Variants in CKAP5 observed in about 807,000 individuals in gnomAD.
CKAP5 encodes the protein cytoskeleton-associated protein 5.
CKAP5 carries 27 observed loss-of-function variants against 232.8 expected under a neutral mutation model. That is an observed-to-expected ratio of 0.12 (90% CI 0.09 to 0.16). The LOEUF is 0.16. CKAP5 is among the 10% of genes least tolerant of loss of function. The pLI is 1.00. For synonymous variants in CKAP5, 785 were observed against 841.1 expected, an observed-to-expected ratio of 0.93 and a Z score of 1.16; for missense variants, 1,838 against 2,424.7, an observed-to-expected ratio of 0.76 and a Z score of 5.08.
intron 42 of CKAP5, among the ~76,000 whole-genome samples, chr11:46,747,393 G>A (rs1592428456): frequency 6.6e-6 from 1 of 152,180 alleles, no homozygotes. Flanking sequence ...ACTGAGGTCA[G>A]GAGTTGGAGA....
intron 24 of CKAP5, among the ~76,000 whole-genome samples, chr11:46,775,808 A>G (rs1464292182): frequency 6.6e-6 from 1 of 151,072 alleles, no homozygotes; most frequent in Non-Finnish European, 1.5e-5. Flanking sequence ...AACATCACAC[A>G]GTGGGGCCTG....
intron 1 of CKAP5, among the ~76,000 whole-genome samples, chr11:46,837,273 G>A (rs896658118): frequency 1.2e-4 from 18 of 152,128 alleles, no homozygotes; most frequent in Non-Finnish European, 2.5e-4. Context: ...AGGCTAGAAT[G>A]ATCTATGTGA....
chr11:46,752,221 C>CACACAT (rs2065073640), intron 38 of CKAP5, among the ~76,000 whole-genome samples: 2 of 134,902 alleles, frequency 1.5e-5, no homozygotes, highest in African/African-American at 2.6e-5. Context: ...CACACACACA[C>CACACAT]ACACACACAC....
Position 46,762,050 on chromosome 11 carries a change from C to G in CKAP5, c.4171G>C (p.Val1391Leu). The G allele has an allele frequency of 1.2e-6, 2 of 1,614,104 alleles. No homozygotes were observed. Among genetic ancestry groups the G allele is most frequent in the Non-Finnish European group, 1.7e-6 (2 of 1,179,938 alleles). The change falls in exon 32 of 44, where the codon GTA becomes CTA. Residue 1391 changes from valine to leucine, a missense_variant. Physicochemically the swap from Val to Leu is conservative, Grantham distance 32. Coordinates refer to ENST00000529230, the MANE Select transcript of CKAP5 (RefSeq NM_001008938.4). ...TCCCCATGTACATTGTACACCGTTA[C>G]AATGGTGTTGAGTGCAGCATTGCGT... ...AVRNAALNTI[V>L]TVYNVHGDQV...
At position 46,765,190 on chromosome 11, in the gene CKAP5, T is replaced by C; in HGVS notation, c.3478A>G (p.Ile1160Val). Residue 1160 changes from isoleucine to valine, a missense_variant, in exon 28 of 44, where the codon ATT becomes GTT. Physicochemically the swap from Ile to Val is conservative, Grantham distance 29 (BLOSUM62 3). Coordinates refer to ENST00000529230, the MANE Select transcript of CKAP5 (RefSeq NM_001008938.4). ...LKEDEDKSGP[I>V]FIVVPNGKEQ... is the part of the protein sequence containing the mutation. The stretch of plus-strand genomic sequence containing the variant: ...TTTCCATTTGGAACAACAATAAAAA[T>C]AGGCCCGGATTTGTCTTCATCCTCC... 3.1e-6 allele frequency: 5 copies of C among 1,613,298 alleles called. No individual in the cohort carries two copies. Among genetic ancestry groups the C allele is most frequent in the Non-Finnish European group, 3.4e-6 (4 of 1,179,620 alleles).
intron 27 of CKAP5, among the ~76,000 whole-genome samples, chr11:46,765,490 T>C (rs1336416177): frequency 5.3e-5 from 8 of 152,208 alleles, no homozygotes; most frequent in African/African-American, 1.7e-4. Context: ...TGGCATGTTA[T>C]GTAGTTGGAA....
chr11:46,839,000 T>C (rs542005141), intron 1 of CKAP5, among the ~76,000 whole-genome samples: 2 of 152,230 alleles, frequency 1.3e-5, no homozygotes, highest in South Asian at 2.1e-4. Flanking sequence ...ACCTAGTTTG[T>C]TGCAGGCATT....
At chr11:46,758,204 A>G (rs915120238) in intron 35 of CKAP5, among the ~76,000 whole-genome samples, 5 of 152,064 alleles carry the variant, frequency 3.3e-5, no homozygotes, top group African/African-American at 1.2e-4. Context: ...CTTTAACACT[A>G]TGCTCCAGGC....
intron 33 of CKAP5, among the ~76,000 whole-genome samples, chr11:46,759,986 CAA>C: frequency 6.6e-6 from 1 of 152,262 alleles, no homozygotes; most frequent in South Asian, 2.1e-4. Flanking sequence ...AATAGGGATT[CAA>C]AGTTTCCAAA....
intron 42 of CKAP5, among the ~76,000 whole-genome samples, chr11:46,747,929 A>C (rs1006289727): frequency 2.6e-5 from 4 of 151,858 alleles, no homozygotes; most frequent in Admixed American, 6.6e-5. Context: ...GCATGGTGGC[A>C]TGCACCTGTA....
intron 16 of CKAP5, among the ~76,000 whole-genome samples, chr11:46,786,796 C>T (rs2065398129): frequency 6.6e-6 from 1 of 152,120 alleles, no homozygotes; most frequent in Admixed American, 6.6e-5. Flanking sequence ...CTGAGTATCT[C>T]TGGCATGACC....
chr11:46,786,497 A>AT (rs1189850698), intron 16 of CKAP5, among the ~76,000 whole-genome samples: 19 of 152,234 alleles, frequency 1.2e-4, no homozygotes, highest in Admixed American at 1.2e-3. Context: ...GAAAAGCCCT[A>AT]TCCCCAGGGA....
chr11:46,819,531 T>C (rs1435055741), intron 2 of CKAP5, among the ~76,000 whole-genome samples: 1 of 152,160 alleles, frequency 6.6e-6, no homozygotes, highest in African/African-American at 2.4e-5. Flanking sequence ...GTGTTAAGCA[T>C]TAGTAAAGAA....
rs573523014 is a variant in CKAP5, at chr11:46,800,208, A to G, written c.1083+992T>C. ...TTAATTTTATTTCAATTTATGATGT[A>G]TATGTCTAAGGGTTTTACAGACCCT... On this transcript the variant is annotated intron_variant, in intron 9 of 43. Transcript: ENST00000529230. 3.3e-5 allele frequency among the ~76,000 whole-genome samples: 5 copies of G among 152,302 alleles called. No individual in the cohort carries two copies. In the South Asian group the frequency reaches 1.0e-3, roughly 32 times the overall value.
At position 46,789,719 on chromosome 11, in the gene CKAP5, CCAG is replaced by C. The variant is rs560821692; in HGVS notation, c.1875+354_1875+356del. ...GCTGAGGCAGGAGAATGGCGTGAACCCAGCAGGTGGAGCTTGCAGTGAGCCAAG... is the reference window on the plus strand; with the variant it reads ...GCTGAGGCAGGAGAATGGCGTGAACCCAGGTGGAGCTTGCAGTGAGCCAAG... On this transcript the variant is annotated intron_variant, in intron 15 of 43. Transcript: ENST00000529230. Among the ~76,000 whole-genome samples, 285 of 152,166 alleles carry C rather than the reference CCAG, an allele frequency of 1.9e-3. 1 individual carries two copies. The highest frequency in any genetic ancestry group is 6.7e-3 in the African/African-American group (279 of 41,508).
At chr11:46,759,067 A>G in intron 34 of CKAP5, 24 bp from the exon 35 acceptor site, 1 of 1,610,866 alleles carries the variant, frequency 6.2e-7, no homozygotes, top group African/African-American at 1.3e-5. Flanking sequence ...CAAAGAGAAA[A>G]CTTCAACCTC....
At chr11:46,808,573 TG>T (rs1939207920) in intron 7 of CKAP5, among the ~76,000 whole-genome samples, 1 of 152,088 alleles carries the variant, frequency 6.6e-6, no homozygotes, top group Non-Finnish European at 1.5e-5. Context: ...AAAATAAAAC[TG>T]TGGAGGCAAT....
chr11:46,763,960 C>T (rs1045354262), intron 28 of CKAP5, among the ~76,000 whole-genome samples: 3 of 152,256 alleles, frequency 2.0e-5, no homozygotes, highest in African/African-American at 7.2e-5. Flanking sequence ...CTTAGCCCCC[C>T]AAGTAGCTGG....
chr11:46,761,892 A>T (rs2065157944), intron 32 of CKAP5, 108 bp downstream of exon 32: 6 of 831,716 alleles, frequency 7.2e-6, no homozygotes, highest in South Asian at 6.9e-5. Context: ...GAGTTGACTA[A>T]AAAGTAGTAA....
Sources: gnomAD v4.1 joint callset for allele counts (sites outside exome capture counted in the v4.1 genomes callset) on GRCh38, gnomAD v4.1.1 for gene constraint, MANE v1.5 for transcripts, NCBI Gene and HGNC (gene_info 2026-07-23, HGNC 2026-07-21) for gene names.